Variants in LRMDA observed in about 807,000 individuals in gnomAD.
LRMDA encodes leucine-rich melanocyte differentiation-associated protein.
A neutral mutation model predicts 29.8 loss-of-function variants in LRMDA; 18 were observed. That is an observed-to-expected ratio of 0.60 (90% CI 0.42 to 0.90). LRMDA has a LOEUF of 0.90. LRMDA is among the 40% of genes least tolerant of loss of function. The probability of loss-of-function intolerance (pLI) is 0.00; values close to 1 mark genes in which losing one functional copy is unlikely to be tolerated. For missense variants in LRMDA, 273 were observed against 273.9 expected, an observed-to-expected ratio of 1.00 and a Z score of 0.02; for synonymous variants, 125 against 109.4, an observed-to-expected ratio of 1.14 and a Z score of -0.89.
At chr10:76,197,315 A>C (rs2132228345) in intron 5 of LRMDA, among the ~76,000 whole-genome samples, 1 of 152,328 alleles carries the variant, frequency 6.6e-6, no homozygotes, top group African/African-American at 2.4e-5. Flanking sequence ...GCCTTCCTCC[A>C]TCTGACCTTC....
chr10:76,117,039 G>GC (rs1443284307), intron 5 of LRMDA, among the ~76,000 whole-genome samples: 3 of 152,108 alleles, frequency 2.0e-5, no homozygotes, highest in Non-Finnish European at 4.4e-5. Context: ...GCAGTGACCA[G>GC]CCCCCTACAT....
intron 3 of LRMDA, among the ~76,000 whole-genome samples, chr10:76,039,835 A>G (rs1230997994): frequency 1.3e-5 from 2 of 152,204 alleles, no homozygotes; most frequent in African/African-American, 2.4e-5. Flanking sequence ...TAACATAGTA[A>G]GTGCTATGTA....
intron 2 of LRMDA, among the ~76,000 whole-genome samples, chr10:75,624,099 A>G (rs898363122): frequency 1.3e-5 from 2 of 152,334 alleles, no homozygotes; most frequent in African/African-American, 4.8e-5. Flanking sequence ...AAGTAGAAAC[A>G]AATATAATGA....
rs1850195759 is a variant in LRMDA at position 76,141,341 on chromosome 10, A to G, written c.516+82558A>G. Among the ~76,000 whole-genome samples the G allele has an allele frequency of 2.6e-5, 4 of 152,266 alleles. No individual in the cohort carries two copies. In the South Asian group the frequency reaches 6.2e-4, roughly 24 times the overall value. ...TTTGGCAGCAATGGATTACTAAAAG[A>G]TTATTTTCAAAGCACAGTTTTAATT... On this transcript the variant is annotated intron_variant, in intron 5 of 6. Coordinates refer to ENST00000611255, the MANE Select transcript of LRMDA (RefSeq NM_001305581.2).
At chr10:76,446,121 A>G (rs971075425) in intron 6 of LRMDA, among the ~76,000 whole-genome samples, 1 of 152,174 alleles carries the variant, frequency 6.6e-6, no homozygotes, top group Non-Finnish European at 1.5e-5. Flanking sequence ...AAAAATTATT[A>G]TCACAGTGTT....
chr10:75,980,613 T>A (rs7906529), intron 2 of LRMDA, among the ~76,000 whole-genome samples: 7,962 of 152,098 alleles, frequency 0.052, 630 homozygotes, highest in African/African-American at 0.17. Context: ...AGCAGCATGA[T>A]GCAGGGATTA....
At chr10:75,488,671 G>C (rs183872165) in intron 2 of LRMDA, among the ~76,000 whole-genome samples, 3 of 152,276 alleles carry the variant, frequency 2.0e-5, no homozygotes, top group African/African-American at 7.2e-5. Context: ...GAGGAGGGGA[G>C]TGTCTGTCAC....
intron 2 of LRMDA, among the ~76,000 whole-genome samples, chr10:75,621,084 G>A (rs181487248): frequency 6.6e-6 from 1 of 152,148 alleles, no homozygotes; most frequent in East Asian, 1.9e-4. Flanking sequence ...GAGAACATAC[G>A]ATGTTTGGTT....
intron 2 of LRMDA, among the ~76,000 whole-genome samples, chr10:75,679,707 T>A (rs1842001833): frequency 6.6e-6 from 1 of 152,198 alleles, no homozygotes; most frequent in African/African-American, 2.4e-5. Flanking sequence ...GTTTGCTTTG[T>A]TTTTTCATTC....
intron 2 of LRMDA, among the ~76,000 whole-genome samples, chr10:75,913,447 C>A (rs1324874250): frequency 6.6e-6 from 1 of 152,150 alleles, no homozygotes. Flanking sequence ...CACAGCGAGA[C>A]TCCGTCTTGG....
At chr10:75,963,986 A>G (rs1461997624) in intron 2 of LRMDA, among the ~76,000 whole-genome samples, 1 of 152,186 alleles carries the variant, frequency 6.6e-6, no homozygotes, top group Non-Finnish European at 1.5e-5. Flanking sequence ...AGACCTGGTA[A>G]TGATCACTAC....
chr10:75,789,412 G>T lies in LRMDA; in HGVS notation c.132-246596G>T, dbSNP rs148619492. Reference sequence around the variant, plus strand: ...CTGGGCCTTGAACATTACATGTAGGGTCGATATGAGTTGTAGAGATGACCA... The same window carrying T: ...CTGGGCCTTGAACATTACATGTAGGTTCGATATGAGTTGTAGAGATGACCA... On this transcript the variant is annotated intron_variant, in intron 2 of 6. Coordinates refer to ENST00000611255, the MANE Select transcript of LRMDA (RefSeq NM_001305581.2). 6.7e-3 allele frequency among the ~76,000 whole-genome samples: 1,026 copies of T among 152,286 alleles called. 14 individuals carry two copies. The highest frequency in any genetic ancestry group is 0.024 in the African/African-American group (977 of 41,552).
chr10:76,031,699 A>G (rs996984966), intron 2 of LRMDA, among the ~76,000 whole-genome samples: 10 of 152,278 alleles, frequency 6.6e-5, no homozygotes, highest in Admixed American at 5.9e-4. Context: ...TAGGCCCTTT[A>G]GAACTTCCAT....
intron 6 of LRMDA, among the ~76,000 whole-genome samples, chr10:76,429,033 CACACACAA>C (rs1249039933): frequency 6.6e-6 from 1 of 151,632 alleles, no homozygotes; most frequent in East Asian, 2.0e-4. Context: ...TACACACACA[CACACACAA>C]ACACACACAC....
intron 6 of LRMDA, among the ~76,000 whole-genome samples, chr10:76,534,325 A>T (rs1843269111): frequency 6.6e-6 from 1 of 152,160 alleles, no homozygotes; most frequent in South Asian, 2.1e-4. Flanking sequence ...ACACTCGTGA[A>T]AGATATGGCC....
intron 2 of LRMDA, among the ~76,000 whole-genome samples, chr10:75,470,093 A>G (rs1436031336): frequency 3.3e-5 from 5 of 152,204 alleles, no homozygotes; most frequent in Non-Finnish European, 7.3e-5. Context: ...TTCCTCTGCC[A>G]CCATCAACAT....
At chr10:76,014,145 A>AG (rs1847841952) in intron 2 of LRMDA, among the ~76,000 whole-genome samples, 1 of 120,778 alleles carries the variant, frequency 8.3e-6, no homozygotes, top group Non-Finnish European at 1.7e-5. Context: ...TATATATATA[A>AG]TTATATATAT....
intron 2 of LRMDA, among the ~76,000 whole-genome samples, chr10:75,836,118 T>G (rs539839577): frequency 6.6e-6 from 1 of 152,276 alleles, no homozygotes; most frequent in South Asian, 2.1e-4. Context: ...GGGTTTCTTA[T>G]GTTCTCTAGG....
intron 2 of LRMDA, among the ~76,000 whole-genome samples, chr10:76,014,656 A>G (rs1348600901): frequency 6.6e-6 from 1 of 152,344 alleles, no homozygotes; most frequent in South Asian, 2.1e-4. Context: ...TGCCTCTCTG[A>G]CTGAAGGATC....
Sources: allele counts gnomAD v4.1 joint callset (sites outside exome capture counted in the v4.1 genomes callset), GRCh38; gene constraint gnomAD v4.1.1; transcripts MANE v1.5; gene names NCBI Gene and HGNC (gene_info 2026-07-23, HGNC 2026-07-21).